The following TUB variants were observed in gnomAD, a reference collection of about 807,000 sequenced individuals.
TUB encodes tubby protein homolog.
In TUB, 33 loss-of-function variants were observed where a neutral mutation model predicts 59.7. That is an observed-to-expected ratio of 0.55 (90% CI 0.42 to 0.74). The LOEUF (loss-of-function observed/expected upper bound fraction) is 0.74. Ranked by LOEUF, TUB falls within the 30% of genes least tolerant of loss-of-function variation. The pLI is 0.00. For synonymous variants in TUB, 293 were observed against 256.4 expected (o/e 1.14, Z -1.36); for missense variants, 659 against 672.0 (o/e 0.98, Z 0.21).
intron 2 of TUB, among the ~76,000 whole-genome samples, chr11:8,061,845 A>AG (rs749410891): frequency 6.6e-6 from 1 of 152,056 alleles, no homozygotes; most frequent in Admixed American, 6.5e-5. Flanking sequence ...AACAGTTTGG[A>AG]GGGGGGCCCA....
chr11:8,048,223 A>G (rs1942867629), intron 2 of TUB, among the ~76,000 whole-genome samples: 1 of 152,214 alleles, frequency 6.6e-6, no homozygotes, highest in Non-Finnish European at 1.5e-5. Context: ...ATTTTGTGGA[A>G]GAAAAATTAG....
At chr11:8,031,665 C>T (rs1470872646) in intron 1 of TUB, among the ~76,000 whole-genome samples, 2 of 152,232 alleles carry the variant, frequency 1.3e-5, no homozygotes, top group Admixed American at 6.5e-5. Flanking sequence ...CTTGGTCTCA[C>T]TTTTAGTGTA....
At chr11:8,095,407 A>ATCC in intron 4 of TUB, 91 bp from the exon 5 acceptor site, 5 of 1,378,656 alleles carry the variant, frequency 3.6e-6, no homozygotes, top group Non-Finnish European at 4.9e-6. Context: ...GGGTTTCCCC[A>ATCC]CTCTTCCCTC....
chr11:8,024,391 T>C (rs1398506969), intron 1 of TUB, among the ~76,000 whole-genome samples: 1 of 152,168 alleles, frequency 6.6e-6, no homozygotes, highest in Non-Finnish European at 1.5e-5. Context: ...TGCTTCTCCC[T>C]GATGAACTTC....
chr11:8,039,020 A>G (rs774073991), exon 1 of TUB: 1 of 1,612,908 alleles, frequency 6.2e-7, no homozygotes, highest in South Asian at 1.1e-5. Flanking sequence ...GGGGCCACCG[A>G]AGAGATCGGT....
chr11:8,038,662 T>A (rs1335691381), exon 1 of TUB: 12 of 1,353,332 alleles, frequency 8.9e-6, no homozygotes, highest in African/African-American at 4.4e-5. Context: ...CCTGAAGGGT[T>A]TGGGGGGAGA....
rs12796222 is a variant in TUB at position 8,100,681 on chromosome 11, A to G, written c.1215+80A>G. 121,403 of 1,503,226 alleles carry G rather than the reference A, an allele frequency of 0.081. 5,911 individuals carry two copies. Among genetic ancestry groups the G allele is most frequent in the Non-Finnish European group, 0.097 (105,988 of 1,094,946 alleles). 93.1% of individuals were successfully genotyped at this position (1,503,226 alleles called of 1,614,324 possible). On this transcript the variant is annotated intron_variant, in intron 10 of 11. Coordinates refer to ENST00000299506, the MANE Select transcript of TUB (RefSeq NM_177972.3). ...GCTTCTAAGGGCAGAACTCCAGCTG[A>G]TGTGTGTATGTGGAGGGGTACCATG... is the stretch of plus-strand genomic sequence containing the variant.
chr11:8,091,253 T>C (rs1943766909), intron 3 of TUB, among the ~76,000 whole-genome samples: 2 of 152,274 alleles, frequency 1.3e-5, no homozygotes, highest in South Asian at 2.1e-4. Flanking sequence ...TGTCTGCACA[T>C]TGGAGGGCAG....
At chr11:8,101,338 CTTTG>C (rs988290913) in intron 11 of TUB, 144 bp from the exon 12 acceptor site, 36 of 1,090,880 alleles carry the variant, frequency 3.3e-5, no homozygotes, top group Admixed American at 6.1e-5. Flanking sequence ...CCCAATTGGC[CTTTG>C]TTTTACTTCC....
chr11:8,036,577 G>A (rs1289108378), upstream of TUB, among the ~76,000 whole-genome samples: 1 of 152,222 alleles, frequency 6.6e-6, no homozygotes, highest in South Asian at 2.1e-4. Flanking sequence ...TGAGCTTTAG[G>A]TGAAGCAGCA....
chr11:8,059,636 G>T (rs1027210883), intron 2 of TUB, among the ~76,000 whole-genome samples: 3 of 152,090 alleles, frequency 2.0e-5, no homozygotes, highest in East Asian at 1.9e-4. Flanking sequence ...GAGATCTGCC[G>T]GGAGTTTAGG....
chr11:8,058,194 A>G (rs1367144835), intron 2 of TUB, among the ~76,000 whole-genome samples: 1 of 150,432 alleles, frequency 6.6e-6, no homozygotes, highest in Non-Finnish European at 1.5e-5. Flanking sequence ...CCTGGGCTAC[A>G]GAGCAAGATC....
At chr11:8,078,466 T>C (rs1009369315), upstream of TUB, among the ~76,000 whole-genome samples, 1 of 152,088 alleles carries the variant, frequency 6.6e-6, no homozygotes, top group African/African-American at 2.4e-5. Flanking sequence ...CTTTTGATCA[T>C]GGCCTAGTAT....
upstream of TUB, among the ~76,000 whole-genome samples, chr11:8,081,011 G>A (rs112349881): frequency 9.8e-5 from 15 of 152,326 alleles, no homozygotes; most frequent in African/African-American, 3.6e-4. Context: ...GGGAGGCCTG[G>A]GGACTGGCCC....
intron 3 of TUB, among the ~76,000 whole-genome samples, chr11:8,091,018 G>T (rs2133836230): frequency 6.6e-6 from 1 of 152,158 alleles, no homozygotes; most frequent in South Asian, 2.1e-4. Context: ...ATTCTAAAAA[G>T]GTTGCAGGCA....
chr11:8,080,148 C>A (rs1943518943), upstream of TUB, among the ~76,000 whole-genome samples: 1 of 152,180 alleles, frequency 6.6e-6, no homozygotes, highest in South Asian at 2.1e-4. Flanking sequence ...GCGGGGCAGT[C>A]CTGACCGCCT....
At position 8,101,845 on chromosome 11, in the gene TUB, ATTCTTTC is replaced by A; in HGVS notation, c.*227_*233del. 2 of 426,704 alleles carry A rather than the reference ATTCTTTC, an allele frequency of 4.7e-6. No homozygotes were observed. Among genetic ancestry groups the A allele is most frequent in the Non-Finnish European group, 7.2e-6 (2 of 277,118 alleles). The allele number at this position is 426,704 out of a possible 1,614,324, so 26.4% of individuals were successfully genotyped here. A position where few individuals can be genotyped will look rare whatever the true frequency, so the allele number is the denominator to read the frequency against. On this transcript the variant is annotated 3_prime_UTR_variant, in exon 12 of 12. Transcript: ENST00000299506. ...GGGTGGGTGTGAAGGGATGAGAATAATTCTTTCCATGCCACGAGATCAACACACACTC... is the reference window on the plus strand; with the variant it reads ...GGGTGGGTGTGAAGGGATGAGAATAACATGCCACGAGATCAACACACACTC...
At chr11:8,038,721 T>G in exon 1 of TUB, 3 of 1,487,760 alleles carry the variant, frequency 2.0e-6, no homozygotes, top group Non-Finnish European at 2.7e-6. Flanking sequence ...TGATGGTGGT[T>G]GTTAGTCTGA....
chr11:8,054,971 CG>C (rs1942995037), intron 2 of TUB, among the ~76,000 whole-genome samples: 2 of 152,126 alleles, frequency 1.3e-5, no homozygotes, highest in South Asian at 4.1e-4. Context: ...GAGGCTGGCC[CG>C]TCCTAGAGTC....
Sources: gnomAD v4.1 joint callset for allele counts (sites outside exome capture counted in the v4.1 genomes callset) on GRCh38, gnomAD v4.1.1 for gene constraint, MANE v1.5 for transcripts, NCBI Gene and HGNC (gene_info 2026-07-23, HGNC 2026-07-21) for gene names.